The following LACTB2 variants were observed in gnomAD, a reference collection of about 807,000 sequenced individuals.
The protein encoded by LACTB2 is endoribonuclease LACTB2.
LACTB2 carries 32 observed loss-of-function variants against 34.8 expected under a neutral mutation model. That is an observed-to-expected ratio of 0.92 (90% confidence interval 0.69 to 1.24). LACTB2 has a LOEUF of 1.24. Among genes scored for constraint, LACTB2 ranks in the 50% most tolerant of loss-of-function variants. The pLI, the probability that LACTB2 is intolerant of heterozygous loss-of-function variation, is 0.00. For missense variants in LACTB2, 320 were observed against 345.0 expected, an observed-to-expected ratio of 0.93 and a Z score of 0.57; for synonymous variants, 120 against 117.5, an observed-to-expected ratio of 1.02 and a Z score of -0.14.
intron 2 of LACTB2, chr8:70,660,655 C>A (rs1263958488): frequency 2.2e-6 from 1 of 456,290 alleles, no homozygotes; most frequent in Non-Finnish European, 4.4e-6. Context: ...TGCAGGCCTT[C>A]CTGCCAGGAG....
At chr8:70,664,071 T>C (rs1818511841) in intron 1 of LACTB2, among the ~76,000 whole-genome samples, 1 of 152,216 alleles carries the variant, frequency 6.6e-6, no homozygotes, top group Non-Finnish European at 1.5e-5. Flanking sequence ...AGATTTTGGC[T>C]GCCTCCATGC....
chr8:70,651,046 A>T (rs917055811), intron 3 of LACTB2, among the ~76,000 whole-genome samples: 3 of 152,028 alleles, frequency 2.0e-5, no homozygotes, highest in Admixed American at 2.0e-4. Context: ...TATTTAAGAG[A>T]ACTGAAATGA....
chr8:70,644,930 T>A (rs1005267007), intron 3 of LACTB2, among the ~76,000 whole-genome samples: 2 of 152,154 alleles, frequency 1.3e-5, no homozygotes, highest in African/African-American at 4.8e-5. Flanking sequence ...ATATACTTTT[T>A]GATTTTCTAT....
chr8:70,661,940 G>A lies in LACTB2; in HGVS notation c.123-43C>T, dbSNP rs187401765. On this transcript the variant is annotated intron_variant, in intron 1 of 6. Transcript: ENST00000276590. Reference sequence around the variant, plus strand: ...GATAATCACACAATTGGAACACTGCGTTGACATTAGCATTATTTTGCACAC... The same window carrying A: ...GATAATCACACAATTGGAACACTGCATTGACATTAGCATTATTTTGCACAC... 1,191 of 1,479,742 alleles carry A rather than the reference G, an allele frequency of 8.0e-4. 9 individuals are homozygous for A. The highest frequency in any genetic ancestry group is 5.3e-3 in the South Asian group (409 of 76,900). 91.7% of individuals were successfully genotyped at this position (1,479,742 alleles called of 1,614,324 possible). A position where few individuals can be genotyped will look rare whatever the true frequency, so the allele number is the denominator to read the frequency against.
intron 1 of LACTB2, among the ~76,000 whole-genome samples, chr8:70,664,707 G>C (rs1306208722): frequency 2.6e-5 from 4 of 152,128 alleles, no homozygotes; most frequent in Non-Finnish European, 5.9e-5. Context: ...AAGTCACACT[G>C]ATAACATATG....
At chr8:70,657,177 T>C (rs1818420952) in intron 3 of LACTB2, among the ~76,000 whole-genome samples, 2 of 152,208 alleles carry the variant, frequency 1.3e-5, no homozygotes, top group African/African-American at 4.8e-5. Context: ...AAGCCCTGAA[T>C]TGAATTGATA....
chr8:70,661,150 T>C (rs897382788), intron 2 of LACTB2: 3 of 428,372 alleles, frequency 7.0e-6, no homozygotes, highest in African/African-American at 6.1e-5. Context: ...GTCTGTTTTG[T>C]TCACTGCTAT....
At chr8:70,653,217 C>G (rs1186682676) in intron 3 of LACTB2, among the ~76,000 whole-genome samples, 1 of 152,118 alleles carries the variant, frequency 6.6e-6, no homozygotes, top group African/African-American at 2.4e-5. Context: ...CTCAAACAAT[C>G]CTCTCACCTC....
chr8:70,643,517 GT>G (rs56150459), intron 4 of LACTB2, among the ~76,000 whole-genome samples: 47,827 of 148,172 alleles, frequency 0.32, 8,998 homozygotes, highest in Non-Finnish European at 0.43. Context: ...TAGTTGATAT[GT>G]TTTTTTTTTC....
At chr8:70,640,760 G>A in intron 5 of LACTB2, 142 bp downstream of exon 5, 1 of 1,000,826 alleles carries the variant, frequency 1.0e-6, no homozygotes, top group Non-Finnish European at 1.3e-6. Flanking sequence ...TAGCACTGTA[G>A]AAAGTTTAGG....
chr8:70,662,142 T>C (rs1215894309), intron 1 of LACTB2: 1 of 318,314 alleles, frequency 3.1e-6, no homozygotes, highest in Non-Finnish European at 5.8e-6. Flanking sequence ...AACATTTACA[T>C]AGCAATTAAA....
intron 3 of LACTB2, chr8:70,653,704 CA>C (rs1233058524): frequency 2.0e-5 from 3 of 152,262 alleles, no homozygotes; most frequent in Non-Finnish European, 4.4e-5. Flanking sequence ...GTTAATTTCC[CA>C]GACACCCTAC....
chr8:70,668,431 C>G (rs1818566085), intron 1 of LACTB2, among the ~76,000 whole-genome samples: 1 of 152,162 alleles, frequency 6.6e-6, no homozygotes, highest in African/African-American at 2.4e-5. Context: ...TAAACTCAAA[C>G]AAGGTCACAC....
At chr8:70,652,467 C>G (rs1395772005) in intron 3 of LACTB2, 1 of 152,188 alleles carries the variant, frequency 6.6e-6, no homozygotes, top group Admixed American at 6.5e-5. Flanking sequence ...TTATTTACTA[C>G]TAGTCATTTT....
intron 2 of LACTB2, chr8:70,660,955 T>G: frequency 2.2e-6 from 1 of 455,830 alleles, no homozygotes; most frequent in Non-Finnish European, 4.4e-6. Context: ...TTTTTGTACT[T>G]TTTTTGTAGA....
At chr8:70,658,014 G>T in intron 2 of LACTB2, 132 bp from the exon 3 acceptor site, 1 of 530,458 alleles carries the variant, frequency 1.9e-6, no homozygotes, top group Non-Finnish European at 3.1e-6. Context: ...CAGAAAATGG[G>T]ATGAATTACA....
chr8:70,666,799 T>C (rs1328458375), intron 1 of LACTB2, among the ~76,000 whole-genome samples: 2 of 152,194 alleles, frequency 1.3e-5, no homozygotes, highest in Non-Finnish European at 2.9e-5. Flanking sequence ...TTTAGGCATT[T>C]CCTTTGATGG....
At chr8:70,643,686 T>C (rs1818228612) in intron 4 of LACTB2, among the ~76,000 whole-genome samples, 1 of 151,998 alleles carries the variant, frequency 6.6e-6, no homozygotes, top group African/African-American at 2.4e-5. Context: ...AGCTAATTTT[T>C]TTATTTTTAG....
intron 3 of LACTB2, among the ~76,000 whole-genome samples, chr8:70,655,183 T>C (rs1818394451): frequency 6.6e-6 from 1 of 151,764 alleles, no homozygotes; most frequent in East Asian, 1.9e-4. Context: ...GTCTCCAATC[T>C]CAACCAGGTC....
Sources: allele counts gnomAD v4.1 joint callset (sites outside exome capture counted in the v4.1 genomes callset), GRCh38; gene constraint gnomAD v4.1.1; transcripts MANE v1.5; gene names NCBI Gene and HGNC (gene_info 2026-07-23, HGNC 2026-07-21).